Variants in TM4SF19 observed in about 807,000 individuals in gnomAD.
The protein encoded by TM4SF19 is transmembrane 4 L6 family member 19.
A neutral mutation model predicts 21.8 loss-of-function variants in TM4SF19; 17 were observed. The ratio of observed to expected loss-of-function variants is 0.78; its 90% CI spans 0.53 to 1.17. TM4SF19 has a LOEUF of 1.17. Ranked by LOEUF, TM4SF19 falls within the 50% of genes most tolerant of loss-of-function variation. TM4SF19 has a pLI of 0.00. For synonymous variants in TM4SF19, 107 were observed against 106.7 expected (o/e 1.00, Z -0.02); for missense variants, 216 against 252.1 (o/e 0.86, Z 0.97).
chr3:196,330,531 T>C (rs1050037417), intron 1 of TM4SF19, among the ~76,000 whole-genome samples: 1 of 152,184 alleles, frequency 6.6e-6, no homozygotes, highest in Admixed American at 6.5e-5. Flanking sequence ...TATTAGGTAA[T>C]AAAATGCGTA....
chr3:196,338,235 C>T (rs1282933026), intron 1 of TM4SF19, 29 bp downstream of exon 1: 1 of 152,232 alleles, frequency 6.6e-6, no homozygotes, highest in Non-Finnish European at 1.5e-5. Flanking sequence ...GTTCCCTGGC[C>T]GTCACCTCAC....
intron 1 of TM4SF19, 64 bp from the exon 2 acceptor site, chr3:196,327,655 G>T: frequency 7.2e-7 from 1 of 1,391,824 alleles, no homozygotes; most frequent in Non-Finnish European, 1.0e-6. Flanking sequence ...GGGAACTCCA[G>T]CAGCATATCA....
chr3:196,337,584 C>G (rs1400074833), intron 1 of TM4SF19, among the ~76,000 whole-genome samples: 1 of 152,130 alleles, frequency 6.6e-6, no homozygotes, highest in African/African-American at 2.4e-5. Flanking sequence ...TCCTCTAGTG[C>G]TGCTCCGCGG....
intron 1 of TM4SF19, among the ~76,000 whole-genome samples, chr3:196,332,442 G>A (rs534764195): frequency 6.7e-6 from 1 of 148,182 alleles, no homozygotes; most frequent in Admixed American, 6.8e-5. Flanking sequence ...GAGGGAGGGA[G>A]GGAGGAAGGA....
At chr3:196,335,939 T>C (rs66522650) in intron 1 of TM4SF19, among the ~76,000 whole-genome samples, 32,159 of 151,926 alleles carry the variant, frequency 0.21, 3,528 homozygotes, top group South Asian at 0.31. Context: ...GGGTGTGTGG[T>C]TGGCCTTTCA....
At chr3:196,327,318 T>C (rs1252654549) in intron 2 of TM4SF19, 72 bp downstream of exon 2, 1 of 1,448,442 alleles carries the variant, frequency 6.9e-7, no homozygotes, top group Non-Finnish European at 9.6e-7. Context: ...AAAACACTCT[T>C]CCCATGCCAC....
chr3:196,333,524 A>G (rs1727606257), intron 1 of TM4SF19, among the ~76,000 whole-genome samples: 1 of 152,194 alleles, frequency 6.6e-6, no homozygotes, highest in Non-Finnish European at 1.5e-5. Context: ...AAAACTTTGG[A>G]AAGCAAAGCT....
At chr3:196,336,115 TTTTTTG>T (rs543448566) in intron 1 of TM4SF19, among the ~76,000 whole-genome samples, 6 of 152,164 alleles carry the variant, frequency 3.9e-5, no homozygotes, top group Admixed American at 1.3e-4. Flanking sequence ...AAAGTCTGTT[TTTTTTG>T]TTTTTGTTTT....
At chr3:196,337,032 G>C (rs985928400) in intron 1 of TM4SF19, among the ~76,000 whole-genome samples, 2 of 148,666 alleles carry the variant, frequency 1.3e-5, no homozygotes, top group African/African-American at 5.0e-5. Flanking sequence ...TGGGGACACT[G>C]CTGACGCAAA....
At position 196,327,451 on chromosome 3, in the gene TM4SF19, A is replaced by G; in HGVS notation, c.140T>C (p.Leu47Ser). 1.9e-6 allele frequency: 3 copies of G among 1,614,166 alleles called. No individual in the cohort carries two copies. The highest frequency in any genetic ancestry group is 2.5e-6 in the Non-Finnish European group (3 of 1,180,030). Residue 47 changes from leucine to serine, a missense_variant, in exon 2 of 5, where the codon TTG becomes TCG. Transcript: ENST00000273695. ...GGCATGCCTGCCAAGGAGGCCCCTC[A>G]ACAGGTAGGTGACATCCCAGTTAGG... ...LLPNWDVTYL[L>S]RGLLGRHAML...
chr3:196,335,090 G>T (rs9846735), intron 1 of TM4SF19, among the ~76,000 whole-genome samples: 273 of 2,614 alleles, frequency 0.1, 46 homozygotes, highest in East Asian at 0.45. Context: ...GGAGGGTGGG[G>T]GTAGGAGAGG....
chr3:196,337,237 T>C (rs1053142235), intron 1 of TM4SF19, among the ~76,000 whole-genome samples: 4 of 151,890 alleles, frequency 2.6e-5, no homozygotes, highest in African/African-American at 7.3e-5. Flanking sequence ...TTTGTATTTT[T>C]AGTAGTGATG....
At chr3:196,332,232 G>A (rs551278877) in intron 1 of TM4SF19, among the ~76,000 whole-genome samples, 1 of 151,904 alleles carries the variant, frequency 6.6e-6, no homozygotes, top group East Asian at 1.9e-4. Context: ...TCCAGCCTGG[G>A]CAAGAGAGTG....
intron 1 of TM4SF19, among the ~76,000 whole-genome samples, chr3:196,335,501 G>C (rs1461182498): frequency 1.4e-5 from 2 of 147,238 alleles, no homozygotes; most frequent in Non-Finnish European, 3.0e-5. Flanking sequence ...TGCCCTGGGA[G>C]GGTGGGGGTA....
chr3:196,337,669 G>T (rs1242180990), intron 1 of TM4SF19, among the ~76,000 whole-genome samples: 2 of 152,206 alleles, frequency 1.3e-5, no homozygotes, highest in African/African-American at 2.4e-5. Flanking sequence ...CCTCCCAAGT[G>T]CCTGTGCGGC....
intron 4 of TM4SF19, 38 bp from the exon 5 acceptor site, chr3:196,324,035 A>ATT: frequency 6.2e-7 from 1 of 1,605,148 alleles, no homozygotes; most frequent in Non-Finnish European, 8.5e-7. Flanking sequence ...GTCAGGCGAT[A>ATT]AGTAAGGAAA....
chr3:196,326,117 G>A (rs1577405145), intron 3 of TM4SF19, among the ~76,000 whole-genome samples: 1 of 152,262 alleles, frequency 6.6e-6, no homozygotes, highest in African/African-American at 2.4e-5. Flanking sequence ...TGGGATTACA[G>A]GCGCCCACCA....
At chr3:196,332,747 C>T (rs1727571412) in intron 1 of TM4SF19, among the ~76,000 whole-genome samples, 1 of 151,918 alleles carries the variant, frequency 6.6e-6, no homozygotes, top group Non-Finnish European at 1.5e-5. Flanking sequence ...TGGGGTCGAA[C>T]TCCTATAAAC....
chr3:196,334,216 C>G (rs540422549), intron 1 of TM4SF19, among the ~76,000 whole-genome samples: 162 of 152,328 alleles, frequency 1.1e-3, no homozygotes, highest in African/African-American at 3.8e-3. Context: ...CCTCTCCAAT[C>G]CTGCCTTCTT....
Sources: allele counts gnomAD v4.1 joint callset (sites outside exome capture counted in the v4.1 genomes callset), GRCh38; gene constraint gnomAD v4.1.1; transcripts MANE v1.5; gene names NCBI Gene and HGNC (gene_info 2026-07-23, HGNC 2026-07-21).